Variants in AFG2A observed in about 807,000 individuals in gnomAD.
The protein encoded by AFG2A is AAA ATPase AFG2A, also known as ATPase family gene 2 protein homolog A.
the AFG2A span, among the ~76,000 whole-genome samples, chr4:123,123,976 A>T: frequency 6.7e-6 from 1 of 149,288 alleles, no homozygotes; most frequent in Admixed American, 6.7e-5. Context: ...AAAAAAAAAA[A>T]GTCAGGAAAC....
At chr4:123,028,932 G>C in the AFG2A span, among the ~76,000 whole-genome samples, 1 of 152,150 alleles carries the variant, frequency 6.6e-6, no homozygotes, top group Admixed American at 6.6e-5. Context: ...TTCATGATAT[G>C]TAGTTGTACA....
At chr4:123,017,198 G>A in the AFG2A span, among the ~76,000 whole-genome samples, 1 of 126,514 alleles carries the variant, frequency 7.9e-6, no homozygotes, top group South Asian at 3.1e-4. Flanking sequence ...AAAGGGAGAG[G>A]GAGAGGGAGA....
chr4:123,179,451 G>A, the AFG2A span, among the ~76,000 whole-genome samples: 1 of 152,152 alleles, frequency 6.6e-6, no homozygotes. Flanking sequence ...AGTGATTCTT[G>A]ATTCTCATGC....
At chr4:123,009,633 C>A in the AFG2A span, among the ~76,000 whole-genome samples, 1 of 152,032 alleles carries the variant, frequency 6.6e-6, no homozygotes, top group African/African-American at 2.4e-5. Flanking sequence ...GTGACAATTT[C>A]TTTTCTTATT....
the AFG2A span, among the ~76,000 whole-genome samples, chr4:122,994,751 T>C: frequency 5.3e-5 from 8 of 150,550 alleles, no homozygotes; most frequent in Non-Finnish European, 8.8e-5. Context: ...GGACTAATTG[T>C]ATAACCCAAA....
the AFG2A span, chr4:123,028,113 A>T: frequency 3.2e-6 from 4 of 1,259,740 alleles, no homozygotes; most frequent in Admixed American, 8.6e-5. Context: ...TGTTAATGAT[A>T]TGTTTTTTAT....
chr4:123,132,867 G>A, the AFG2A span, among the ~76,000 whole-genome samples: 7 of 143,620 alleles, frequency 4.9e-5, no homozygotes, highest in Middle Eastern at 3.8e-3. Context: ...TGCAAGCCCC[G>A]CCTCCTGGGT....
At chr4:123,151,912 T>G in the AFG2A span, among the ~76,000 whole-genome samples, 1 of 151,872 alleles carries the variant, frequency 6.6e-6, no homozygotes, top group Non-Finnish European at 1.5e-5. Context: ...ATAAAGAAAA[T>G]GTGGCACATA....
chr4:122,930,608 T>C, the AFG2A span, among the ~76,000 whole-genome samples: 1 of 152,218 alleles, frequency 6.6e-6, no homozygotes, highest in Non-Finnish European at 1.5e-5. Context: ...ATATATTGCA[T>C]GTATGTATAC....
the AFG2A span, among the ~76,000 whole-genome samples, chr4:122,958,369 A>G: frequency 2.6e-5 from 4 of 152,196 alleles, no homozygotes; most frequent in Non-Finnish European, 5.9e-5. Flanking sequence ...GTGCTTGTAA[A>G]TGGCCACTGG....
chr4:123,281,782 C>T, the AFG2A span, among the ~76,000 whole-genome samples: 3 of 151,952 alleles, frequency 2.0e-5, no homozygotes. Flanking sequence ...GCTATAAGGC[C>T]ATGACAGTGC....
chr4:123,143,404 A>G, the AFG2A span, among the ~76,000 whole-genome samples: 3 of 152,038 alleles, frequency 2.0e-5, no homozygotes, highest in Non-Finnish European at 2.9e-5. Context: ...TCTCTTTCAC[A>G]ATTTGATAAT....
the AFG2A span, chr4:122,934,148 G>A: frequency 5.0e-6 from 8 of 1,613,860 alleles, no homozygotes; most frequent in Non-Finnish European, 6.8e-6. Context: ...TTCTATGGAC[G>A]ACCGTACAAG....
At chr4:122,933,363 A>G in the AFG2A span, 1 of 1,102,218 alleles carries the variant, frequency 9.1e-7, no homozygotes, top group South Asian at 1.3e-5. Flanking sequence ...ATAACCATAT[A>G]CATGTAATTT....
chr4:123,118,295 TTA>T, the AFG2A span, among the ~76,000 whole-genome samples: 1 of 71,276 alleles, frequency 1.4e-5, no homozygotes, highest in African/African-American at 5.3e-5. Context: ...AAATATATGT[TTA>T]TGTGTGTGTA....
the AFG2A span, among the ~76,000 whole-genome samples, chr4:123,253,341 AG>A: frequency 6.6e-6 from 1 of 152,120 alleles, no homozygotes; most frequent in Non-Finnish European, 1.5e-5. Context: ...AAAATTAGCC[AG>A]GCGTGGTGGT....
At chr4:122,941,363 G>A in the AFG2A span, among the ~76,000 whole-genome samples, 2 of 151,632 alleles carry the variant, frequency 1.3e-5, no homozygotes, top group Admixed American at 1.3e-4. Context: ...CTTGTAAGTT[G>A]GATTCCTAGG....
the AFG2A span, among the ~76,000 whole-genome samples, chr4:123,193,430 AAGATTGC>A: frequency 6.6e-6 from 1 of 152,360 alleles, no homozygotes; most frequent in Admixed American, 6.5e-5. Context: ...TATTGAATAT[AAGATTGC>A]AGATAAACTA....
the AFG2A span, among the ~76,000 whole-genome samples, chr4:123,222,323 T>C: frequency 2.0e-5 from 3 of 152,188 alleles, no homozygotes; most frequent in African/African-American, 7.2e-5. Context: ...AACTCTGGGA[T>C]AGATGTTTCA....
Sources: gnomAD v4.1 joint callset for allele counts (sites outside exome capture counted in the v4.1 genomes callset) on GRCh38, gnomAD v4.1.1 for gene constraint, MANE v1.5 for transcripts, NCBI Gene and HGNC (gene_info 2026-07-23, HGNC 2026-07-21) for gene names.